The following PDE4C variants were observed in gnomAD, a reference collection of about 807,000 sequenced individuals.
PDE4C encodes phosphodiesterase 4C.
A neutral mutation model predicts 63.9 loss-of-function variants in PDE4C; 50 were observed. The observed-to-expected ratio is 0.78, with a 90% CI of 0.62 to 0.99. The LOEUF is 0.99. Ranked by LOEUF, PDE4C falls within the 50% of genes least tolerant of loss-of-function variation. PDE4C has a pLI of 0.00. For missense variants in PDE4C, 777 were observed against 899.1 expected (o/e 0.86, Z 1.74); for synonymous variants, 377 against 385.1 (o/e 0.98, Z 0.25).
At chr19:18,236,721 T>G (rs1349053131), upstream of PDE4C, 1 of 152,272 alleles carries the variant, frequency 6.6e-6, no homozygotes, top group Non-Finnish European at 1.5e-5. Flanking sequence ...GCCCACTGTG[T>G]GCCAAGTACA....
chr19:18,220,681 T>C lies in PDE4C; in HGVS notation c.500-166A>G, dbSNP rs1454811662. On this transcript the variant is annotated intron_variant, in intron 5 of 14. Transcript: ENST00000262805. The surrounding 1 kb of genome is among the most constrained non-coding windows in gnomAD (Gnocchi z 5.1). ...TGTTCCCCGAGTGCCTGTGTGACCATGAGATCTCTGGGCCTCAGCCTCCTC... is the reference window on the plus strand; with the variant it reads ...TGTTCCCCGAGTGCCTGTGTGACCACGAGATCTCTGGGCCTCAGCCTCCTC... 1 of 779,524 alleles carries C rather than the reference T, an allele frequency of 1.3e-6. No individual in the cohort carries two copies. Among genetic ancestry groups the C allele is most frequent in the Non-Finnish European group, 2.1e-6 (1 of 475,704 alleles). The allele number at this position is 779,524 out of a possible 1,614,324, so 48.3% of individuals were successfully genotyped here.
At chr19:18,246,182 A>ATTT (rs35056580) in intron 1 of PDE4C, among the ~76,000 whole-genome samples, 4 of 112,668 alleles carry the variant, frequency 3.6e-5, no homozygotes, top group Non-Finnish European at 5.5e-5. Flanking sequence ...CACCAGGCTA[A>ATTT]TTTTTTTTTT....
upstream of PDE4C, among the ~76,000 whole-genome samples, chr19:18,235,285 C>T (rs1968931699): frequency 6.6e-6 from 1 of 152,206 alleles, no homozygotes; most frequent in Admixed American, 6.5e-5. Context: ...ATTATCCTGC[C>T]TCAGTCTCCC....
chr19:18,225,949 G>A (rs1968701013), intron 1 of PDE4C, among the ~76,000 whole-genome samples: 1 of 152,238 alleles, frequency 6.6e-6, no homozygotes, highest in Admixed American at 6.5e-5. Context: ...CGAGGGTCAG[G>A]AGGAGACGTG....
intron 1 of PDE4C, among the ~76,000 whole-genome samples, chr19:18,243,013 C>T (rs888106741): frequency 6.6e-6 from 1 of 151,996 alleles, no homozygotes; most frequent in East Asian, 1.9e-4. Flanking sequence ...TGGACCAGAG[C>T]GGGGCCTGTG....
chr19:18,208,536 G>T (rs891480097), downstream of PDE4C: 2 of 143,662 alleles, frequency 1.4e-5, no homozygotes, highest in African/African-American at 2.6e-5. Context: ...AGGGGGTGCC[G>T]CTGGCTAACA....
intron 1 of PDE4C, among the ~76,000 whole-genome samples, chr19:18,243,840 C>G (rs1305893197): frequency 6.6e-6 from 1 of 151,860 alleles, no homozygotes; most frequent in Non-Finnish European, 1.5e-5. Context: ...CACACATCAA[C>G]CTACCACTCC....
intron 13 of PDE4C, among the ~76,000 whole-genome samples, chr19:18,212,461 C>T (rs1967994158): frequency 6.8e-6 from 1 of 146,610 alleles, no homozygotes; most frequent in African/African-American, 2.5e-5. Flanking sequence ...AGGTGTGAGC[C>T]ACTGAGCCCA....
chr19:18,231,942 C>T (rs1976689877), intron 1 of PDE4C, among the ~76,000 whole-genome samples: 1 of 152,052 alleles, frequency 6.6e-6, no homozygotes, highest in Admixed American at 6.6e-5. Flanking sequence ...GCACGAGCTT[C>T]CCAAGGGACT....
upstream of PDE4C, chr19:18,252,326 G>A (rs1474432969): frequency 2.5e-6 from 1 of 399,140 alleles, no homozygotes; most frequent in Non-Finnish European, 4.4e-6. Context: ...AGGGGCTGAG[G>A]TGGGTTATGG....
intron 4 of PDE4C, 60 bp downstream of exon 4, chr19:18,221,045 G>T (rs1278424532): frequency 2.7e-5 from 19 of 692,470 alleles, no homozygotes; most frequent in Non-Finnish European, 3.5e-5. Flanking sequence ...TTTGCAGCCC[G>T]CTTTCCGCCC....
chr19:18,226,190 G>A, intron 1 of PDE4C, 80 bp downstream of exon 1: 2 of 1,203,106 alleles, frequency 1.7e-6, no homozygotes, highest in East Asian at 2.7e-5. Context: ...AGCTGTCCCT[G>A]GCCTTGTCCC....
chr19:18,242,141 C>T lies in PDE4C; in HGVS notation c.-210+6030G>A, dbSNP rs370854066. 4.3e-4 allele frequency among the ~76,000 whole-genome samples: 66 copies of T among 152,076 alleles called. 1 individual carries two copies. The highest frequency in any genetic ancestry group is 1.6e-3 in the African/African-American group (65 of 41,492). On this transcript the variant is annotated intron_variant, in intron 1 of 15. Transcript: ENST00000594617. ...TACCAGGCAGAAGGAACAGCACCTG[C>T]GAAGGCCCGGAGGTGGCAACAAGTT... is the stretch of plus-strand genomic sequence containing the variant.
At chr19:18,249,267 C>T (rs987132619), upstream of PDE4C, among the ~76,000 whole-genome samples, 7 of 152,250 alleles carry the variant, frequency 4.6e-5, no homozygotes, top group African/African-American at 1.4e-4. Flanking sequence ...CCATGCCCGG[C>T]ACCCCCAGTT....
At chr19:18,213,977 G>A (rs2148007389) in intron 12 of PDE4C, among the ~76,000 whole-genome samples, 1 of 152,300 alleles carries the variant, frequency 6.6e-6, no homozygotes, top group African/African-American at 2.4e-5. Flanking sequence ...CCCACCCTCA[G>A]GCTGGGCGCC....
At chr19:18,244,630 A>G (rs1171348255) in intron 1 of PDE4C, among the ~76,000 whole-genome samples, 1 of 151,966 alleles carries the variant, frequency 6.6e-6, no homozygotes, top group Non-Finnish European at 1.5e-5. Flanking sequence ...CTTCTGCCTC[A>G]GCCTCCCGAG....
upstream of PDE4C, among the ~76,000 whole-genome samples, chr19:18,228,539 C>T (rs1968788468): frequency 1.3e-5 from 2 of 152,184 alleles, no homozygotes; most frequent in Admixed American, 6.5e-5. Flanking sequence ...GGTCCTCCCG[C>T]ACTGGATGCG....
chr19:18,220,984 C>T lies in PDE4C; in HGVS notation c.450-61G>A, dbSNP rs1402083220. ...CCATCTCGCCCCGCCCCCAAGTCCA[C>T]CAGGCCCCGCCCCTCAAACCCACCT... On this transcript the variant is annotated intron_variant, in intron 4 of 14. Coordinates refer to ENST00000262805, the Ensembl canonical transcript of PDE4C. The surrounding 1 kb of genome is among the most constrained non-coding windows in gnomAD (Gnocchi z 5.1). 6.4e-7 allele frequency: 1 copy of T among 1,557,874 alleles called. No homozygotes were observed. The highest frequency in any genetic ancestry group is 2.3e-5 in the East Asian group (1 of 43,404).
chr19:18,230,684 C>T (rs921306133), upstream of PDE4C, among the ~76,000 whole-genome samples: 2 of 152,130 alleles, frequency 1.3e-5, no homozygotes, highest in Non-Finnish European at 2.9e-5. Context: ...TGACCTCTTT[C>T]CTCCTGCAGG....
Sources: allele counts gnomAD v4.1 joint callset (sites outside exome capture counted in the v4.1 genomes callset), GRCh38; gene constraint gnomAD v4.1.1; non-coding constraint Gnocchi (gnomAD v3.1); transcripts MANE v1.5; gene names NCBI Gene and HGNC (gene_info 2026-07-23, HGNC 2026-07-21).